Variants in SLC44A3 observed in about 807,000 individuals in gnomAD.
SLC44A3 encodes the protein choline transporter-like protein 3.
Under a neutral mutation model 75.4 loss-of-function variants are expected in SLC44A3, and 74 were observed. That is an observed-to-expected ratio of 0.98 (90% CI 0.81 to 1.19). The LOEUF (loss-of-function observed/expected upper bound fraction) is 1.19, where lower values mean the gene tolerates loss of function less well. Ranked by LOEUF, SLC44A3 falls within the 50% of genes most tolerant of loss-of-function variation. The pLI, the probability that SLC44A3 is intolerant of heterozygous loss-of-function variation, is 0.00. For missense variants in SLC44A3, 700 were observed against 778.6 expected (o/e 0.90, Z 1.20); for synonymous variants, 310 against 296.9 (o/e 1.04, Z -0.45).
chr1:94,881,274 A>G (rs859081), intron 12 of SLC44A3, among the ~76,000 whole-genome samples: 125,500 of 152,092 alleles, frequency 0.83, 51,963 homozygotes, highest in South Asian at 0.87. Context: ...TTGTGGAGGC[A>G]CATGCACCTG....
At chr1:94,833,106 C>T (rs1439721368) in intron 5 of SLC44A3, among the ~76,000 whole-genome samples, 1 of 152,148 alleles carries the variant, frequency 6.6e-6, no homozygotes, top group East Asian at 1.9e-4. Context: ...AGGCTGTAGT[C>T]AGCCTCCCTT....
intron 7 of SLC44A3, among the ~76,000 whole-genome samples, chr1:94,841,159 A>C (rs2101054526): frequency 6.6e-6 from 1 of 152,346 alleles, no homozygotes; most frequent in African/African-American, 2.4e-5. Flanking sequence ...TACGGTTGGC[A>C]GCTGTAACAG....
chr1:94,820,810 C>T (rs925723647), intron 1 of SLC44A3, 139 bp from the exon 2 acceptor site: 1 of 1,300,798 alleles, frequency 7.7e-7, no homozygotes, highest in Non-Finnish European at 1.0e-6. Context: ...CAGGTGGCCA[C>T]GTAAAAAAAT....
chr1:94,824,787 T>C (rs769924090), intron 3 of SLC44A3, 152 bp downstream of exon 3: 7 of 911,496 alleles, frequency 7.7e-6, no homozygotes, highest in Non-Finnish European at 1.1e-5. Context: ...CAGGTAAGAG[T>C]ACAAGTTTTA....
chr1:94,841,308 T>C (rs1283487404), intron 7 of SLC44A3, among the ~76,000 whole-genome samples: 65 of 152,212 alleles, frequency 4.3e-4, no homozygotes, highest in Admixed American at 4.3e-3. Flanking sequence ...TTTTAATTTT[T>C]AAAAACTGAT....
intron 14 of SLC44A3, among the ~76,000 whole-genome samples, chr1:94,893,851 T>C (rs1670486057): frequency 6.6e-6 from 1 of 151,928 alleles, no homozygotes; most frequent in Non-Finnish European, 1.5e-5. Context: ...TCCCAGCACT[T>C]TGGGAAGCCA....
At chr1:94,843,481 T>A (rs1028272402) in intron 8 of SLC44A3, 26 of 152,172 alleles carry the variant, frequency 1.7e-4, no homozygotes. Context: ...CTGACACCTC[T>A]CCCTGCATGG....
chr1:94,820,883 G>T, intron 1 of SLC44A3, 66 bp from the exon 2 acceptor site: 1 of 1,436,604 alleles, frequency 7.0e-7, no homozygotes, highest in South Asian at 1.3e-5. Flanking sequence ...AGTAGATTTG[G>T]GTTCGGTTTC....
intron 5 of SLC44A3, among the ~76,000 whole-genome samples, chr1:94,831,117 GAGAA>G (rs1662068489): frequency 6.6e-6 from 1 of 152,158 alleles, no homozygotes; most frequent in South Asian, 2.1e-4. Flanking sequence ...ATCAAGCTGG[GAGAA>G]AGAGTCTCCG....
At chr1:94,861,892 C>A (rs1192830958) in intron 10 of SLC44A3, among the ~76,000 whole-genome samples, 2 of 152,146 alleles carry the variant, frequency 1.3e-5, no homozygotes, top group East Asian at 1.9e-4. Flanking sequence ...GAGCTAGAAC[C>A]CTTCAGGGTG....
chr1:94,836,827 C>A (rs1489731356), intron 5 of SLC44A3: 2 of 150,644 alleles, frequency 1.3e-5, no homozygotes, highest in African/African-American at 4.9e-5. Context: ...GGGAGAATAG[C>A]TTGAGCCCTG....
Position 94,867,360 on chromosome 1 carries a change from C to T in SLC44A3, c.1425C>T (p.Phe475=), listed in dbSNP as rs756437074. ...ATGGTGCATTGTCCAGGTACCTGTT[C>T]CGATGCTGCTACTGCTGTTTCTGGT... The part of the protein sequence containing the change: ...QQHGALSRYL[F]RCCYCCFWCL... Residue 475 remains phenylalanine, a synonymous_variant, in exon 12 of 15, where the codon TTC becomes TTT. Transcript: ENST00000271227. The T allele has an allele frequency of 1.9e-6, 3 of 1,602,052 alleles. No individual in the cohort carries two copies. Among genetic ancestry groups the T allele is most frequent in the South Asian group, 1.1e-5 (1 of 89,186 alleles).
At chr1:94,851,985 T>C (rs750887970) in intron 9 of SLC44A3, among the ~76,000 whole-genome samples, 1 of 152,254 alleles carries the variant, frequency 6.6e-6, no homozygotes, top group Non-Finnish European at 1.5e-5. Context: ...CTAACTGCAC[T>C]ATGAATATCT....
intron 8 of SLC44A3, among the ~76,000 whole-genome samples, chr1:94,843,884 G>C (rs368514127): frequency 2.1e-4 from 32 of 148,884 alleles, no homozygotes; most frequent in African/African-American, 6.3e-4. Context: ...GGGGTGGGGG[G>C]GGTGGTCAGG....
At chr1:94,852,882 AG>A (rs1305611424) in intron 9 of SLC44A3, among the ~76,000 whole-genome samples, 1 of 152,218 alleles carries the variant, frequency 6.6e-6, no homozygotes, top group East Asian at 1.9e-4. Flanking sequence ...ATAGCATTTT[AG>A]GGGTAGATCA....
At chr1:94,820,789 T>C in intron 1 of SLC44A3, 160 bp from the exon 2 acceptor site, 2 of 1,369,306 alleles carry the variant, frequency 1.5e-6, no homozygotes, top group Admixed American at 5.7e-5. Context: ...AAAGGCTGTG[T>C]GAAAGAGCTT....
At chr1:94,867,262 G>T in intron 11 of SLC44A3, 69 bp from the exon 12 acceptor site, 1 of 1,380,826 alleles carries the variant, frequency 7.2e-7, no homozygotes, top group Non-Finnish European at 9.7e-7. Context: ...TGTTTCCTCA[G>T]AAACTGCCTG....
At chr1:94,831,219 A>G (rs1015307827) in intron 5 of SLC44A3, among the ~76,000 whole-genome samples, 17 of 152,276 alleles carry the variant, frequency 1.1e-4, no homozygotes, top group African/African-American at 3.6e-4. Context: ...TCCAATACTA[A>G]CTTTTCAAGT....
chr1:94,862,595 A>G (rs1002620768), intron 10 of SLC44A3, among the ~76,000 whole-genome samples: 3 of 152,238 alleles, frequency 2.0e-5, no homozygotes, highest in African/African-American at 7.2e-5. Context: ...CACTCAAAGC[A>G]GCCACACATC....
Sources: gnomAD v4.1 joint callset for allele counts (sites outside exome capture counted in the v4.1 genomes callset) on GRCh38, gnomAD v4.1.1 for gene constraint, MANE v1.5 for transcripts, NCBI Gene and HGNC (gene_info 2026-07-23, HGNC 2026-07-21) for gene names.